The following MRPS27 variants were observed in gnomAD, a reference collection of about 807,000 sequenced individuals.
MRPS27 encodes mitochondrial ribosomal protein S27, also known as small ribosomal subunit protein mS27.
Under a neutral mutation model 48.9 loss-of-function variants are expected in MRPS27, and 43 were observed. That is an observed-to-expected ratio of 0.88 (90% CI 0.69 to 1.13). The LOEUF (loss-of-function observed/expected upper bound fraction) is 1.13. Ranked by LOEUF, MRPS27 falls within the 50% of genes most tolerant of loss-of-function variation. MRPS27 has a pLI of 0.00. For synonymous variants in MRPS27, 188 were observed against 171.9 expected, an observed-to-expected ratio of 1.09 and a Z score of -0.73; for missense variants, 467 against 476.3, an observed-to-expected ratio of 0.98 and a Z score of 0.18.
chr5:72,267,468 T>C (rs1212856967), intron 4 of MRPS27, among the ~76,000 whole-genome samples: 1 of 152,146 alleles, frequency 6.6e-6, no homozygotes, highest in Non-Finnish European at 1.5e-5. Flanking sequence ...TAAAAATTTA[T>C]CCTTATTTGC....
intron 4 of MRPS27, among the ~76,000 whole-genome samples, chr5:72,269,386 C>G (rs1297894328): frequency 6.6e-6 from 1 of 152,182 alleles, no homozygotes; most frequent in Non-Finnish European, 1.5e-5. Context: ...TATATTCAAA[C>G]AGGTATCTGA....
At chr5:72,244,967 T>C (rs939926650) in intron 4 of MRPS27, among the ~76,000 whole-genome samples, 5 of 152,226 alleles carry the variant, frequency 3.3e-5, no homozygotes, top group Non-Finnish European at 5.9e-5. Context: ...GGAACACTAT[T>C]TTATCAGCCT....
chr5:72,309,621 C>A (rs1750384561), intron 2 of MRPS27, among the ~76,000 whole-genome samples: 1 of 152,166 alleles, frequency 6.6e-6, no homozygotes, highest in Non-Finnish European at 1.5e-5. Flanking sequence ...GTATCCATGA[C>A]AATGTTCCCT....
At chr5:72,267,874 T>C (rs186769575) in intron 4 of MRPS27, among the ~76,000 whole-genome samples, 1 of 151,938 alleles carries the variant, frequency 6.6e-6, no homozygotes, top group East Asian at 1.9e-4. Flanking sequence ...GCCTTCCAAA[T>C]AAATGTTCAG....
intron 2 of MRPS27, among the ~76,000 whole-genome samples, chr5:72,313,015 TAAG>T (rs1489710493): frequency 1.3e-5 from 2 of 152,334 alleles, no homozygotes; most frequent in East Asian, 3.9e-4. Context: ...GTACTTGTTA[TAAG>T]AAGGCTACCC....
intron 9 of MRPS27, 126 bp downstream of exon 9, chr5:72,225,931 G>C: frequency 8.9e-7 from 1 of 1,122,932 alleles, no homozygotes. Context: ...TTTTCGACTT[G>C]ATAAATACCT....
At position 72,226,159 on chromosome 5, in the gene MRPS27, G is replaced by A. The variant is rs773194814; in HGVS notation, c.735C>T (p.His245=). 2 of 1,613,806 alleles carry A rather than the reference G, an allele frequency of 1.2e-6. No individual in the cohort carries two copies. The highest frequency in any genetic ancestry group is 4.5e-5 in the East Asian group (2 of 44,862). The change falls in exon 9 of 11, where the codon CAC becomes CAT. Residue 245 remains histidine (H), a synonymous_variant. Coordinates refer to ENST00000261413, the MANE Select transcript of MRPS27 (RefSeq NM_015084.3). ...CTGGTTTCCATATCAGAGGCATGTT[G>A]TGGTACACAGCCCGTAGCCCTTGCT... ...ELQQGLRAVY[H]NMPLIWKPGY...
chr5:72,286,983 G>C (rs1230875558), intron 4 of MRPS27, among the ~76,000 whole-genome samples: 1 of 152,126 alleles, frequency 6.6e-6, no homozygotes, highest in Non-Finnish European at 1.5e-5. Context: ...GCTGTGGATT[G>C]GTACCAGTCT....
chr5:72,308,221 A>T (rs1463299453), intron 2 of MRPS27, among the ~76,000 whole-genome samples: 1 of 152,208 alleles, frequency 6.6e-6, no homozygotes, highest in African/African-American at 2.4e-5. Context: ...GAGGACGAAG[A>T]GAGGGGGCAC....
At chr5:72,293,804 T>C (rs1229003561) in intron 4 of MRPS27, among the ~76,000 whole-genome samples, 1 of 152,146 alleles carries the variant, frequency 6.6e-6, no homozygotes, top group Admixed American at 6.5e-5. Context: ...TAAAAAACAG[T>C]TTATATTTAG....
chr5:72,257,076 G>A (rs1005874573), intron 4 of MRPS27, among the ~76,000 whole-genome samples: 1 of 152,082 alleles, frequency 6.6e-6, no homozygotes, highest in Non-Finnish European at 1.5e-5. Flanking sequence ...CAAACCTAAG[G>A]TATCCCAGGT....
At position 72,320,179 on chromosome 5, in the gene MRPS27, G is replaced by T; in HGVS notation, c.43C>A (p.Gln15Lys). ...GGAGAGAGCTGAGGAAGAACCACTT[G>T]CCGCGCCAGGAGCATCCCGCGCCGC... ...IVRRGMLLAR[Q>K]VVLPQLSPAG... Residue 15 changes from glutamine (Q) to lysine (K), a missense_variant, in exon 1 of 11, where the codon CAA becomes AAA. Gln to Lys is a moderately conservative substitution (Grantham distance 53). Coordinates refer to ENST00000261413, the MANE Select transcript of MRPS27 (RefSeq NM_015084.3). 6.2e-7 allele frequency: 1 copy of T among 1,614,008 alleles called. No homozygotes were observed. Among genetic ancestry groups the T allele is most frequent in the Non-Finnish European group, 8.5e-7 (1 of 1,179,898 alleles).
chr5:72,292,462 C>G (rs957259470), intron 4 of MRPS27, among the ~76,000 whole-genome samples: 3 of 152,032 alleles, frequency 2.0e-5, no homozygotes, highest in Admixed American at 6.6e-5. Context: ...TTAAAAGATC[C>G]CTTTAATGTT....
chr5:72,268,036 G>C (rs560587116), intron 4 of MRPS27, among the ~76,000 whole-genome samples: 1 of 152,226 alleles, frequency 6.6e-6, no homozygotes, highest in African/African-American at 2.4e-5. Context: ...CTCTCCCAGT[G>C]ACTCCCAAAC....
At chr5:72,301,460 C>T (rs1750124878) in intron 2 of MRPS27, among the ~76,000 whole-genome samples, 1 of 152,158 alleles carries the variant, frequency 6.6e-6, no homozygotes, top group Non-Finnish European at 1.5e-5. Flanking sequence ...GAAATTACCT[C>T]CCTCTACCTG....
intron 4 of MRPS27, among the ~76,000 whole-genome samples, chr5:72,261,906 A>G (rs1229160548): frequency 6.6e-6 from 1 of 152,222 alleles, no homozygotes; most frequent in Non-Finnish European, 1.5e-5. Flanking sequence ...ATTCTGAGGC[A>G]GAGTCACGAC....
intron 4 of MRPS27, among the ~76,000 whole-genome samples, chr5:72,267,827 G>A (rs6864083): frequency 0.095 from 14,362 of 151,334 alleles, 1,505 homozygotes; most frequent in African/African-American, 0.26. Context: ...AGATATAGAG[G>A]TCATTAAGAA....
intron 4 of MRPS27, among the ~76,000 whole-genome samples, chr5:72,243,906 A>G (rs991774611): frequency 6.6e-6 from 1 of 152,226 alleles, no homozygotes; most frequent in African/African-American, 2.4e-5. Flanking sequence ...CACAATCAAG[A>G]TAAGCCCCCT....
intron 9 of MRPS27, among the ~76,000 whole-genome samples, chr5:72,224,199 A>T (rs1747833357): frequency 8.1e-6 from 1 of 123,748 alleles, no homozygotes; most frequent in East Asian, 2.1e-4. Flanking sequence ...TCCATCACTT[A>T]AAAAAAAAAA....
Sources: allele counts gnomAD v4.1 joint callset (sites outside exome capture counted in the v4.1 genomes callset), GRCh38; gene constraint gnomAD v4.1.1; transcripts MANE v1.5; gene names NCBI Gene and HGNC (gene_info 2026-07-23, HGNC 2026-07-21).